Variants in MACROD2 observed in about 807,000 individuals in gnomAD.
MACROD2 encodes the protein ADP-ribose glycohydrolase MACROD2.
In MACROD2, 36 loss-of-function variants were observed where a neutral mutation model predicts 70.4. That is an observed-to-expected ratio of 0.51 (90% CI 0.39 to 0.68). MACROD2 has a LOEUF of 0.68. MACROD2 is among the 30% of genes least tolerant of loss of function. The pLI, the probability that MACROD2 is intolerant of heterozygous loss-of-function variation, is 0.00. For synonymous variants in MACROD2, 172 were observed against 178.8 expected, an observed-to-expected ratio of 0.96 and a Z score of 0.30; for missense variants, 496 against 538.4, an observed-to-expected ratio of 0.92 and a Z score of 0.78.
chr20:15,959,536 T>C (rs1232410849), intron 12 of MACROD2, among the ~76,000 whole-genome samples: 1 of 152,202 alleles, frequency 6.6e-6, no homozygotes, highest in East Asian at 1.9e-4. Context: ...TTTGTTTGTT[T>C]GTTTGTTTTT....
chr20:15,187,619 C>T (rs2076542581), intron 5 of MACROD2, among the ~76,000 whole-genome samples: 1 of 152,092 alleles, frequency 6.6e-6, no homozygotes, highest in South Asian at 2.1e-4. Context: ...CCATATTTTC[C>T]TTCAGTGCCT....
intron 3 of MACROD2, among the ~76,000 whole-genome samples, chr20:14,321,818 T>A (rs2082663330): frequency 6.6e-6 from 1 of 152,132 alleles, no homozygotes; most frequent in South Asian, 2.1e-4. Context: ...TAAATCGGCC[T>A]TCCTGTAAGA....
In MACROD2 at chr20:15,054,833, G is replaced by T. The variant is rs1024744735; in HGVS notation, c.419-175107G>T. Among the ~76,000 whole-genome samples, 5 of 152,166 alleles carry T rather than the reference G, an allele frequency of 3.3e-5. No individual in the cohort carries two copies. In the East Asian group the frequency reaches 9.7e-4, roughly 29 times the overall value. Reference sequence around the variant, plus strand: ...GAGTCTCACTCTGTCACCCAGGCTGGAGTGCAATGGCATGATCTCCGCTCA... The same window carrying T: ...GAGTCTCACTCTGTCACCCAGGCTGTAGTGCAATGGCATGATCTCCGCTCA... On this transcript the variant is annotated intron_variant, in intron 5 of 17. Transcript: ENST00000684519.
rs756305130 is a variant in MACROD2 at position 14,002,378 on chromosome 20, A to C, written c.137A>C (p.Glu46Ala). 6.2e-7 allele frequency: 1 copy of C among 1,604,632 alleles called. No individual in the cohort carries two copies. The highest frequency in any genetic ancestry group is 1.1e-5 in the South Asian group (1 of 89,020). The change falls in exon 2 of 18, where the codon GAG becomes GCG. Residue 46 changes from glutamate (E) to alanine (A), a missense_variant. Physicochemically the swap from Glu to Ala is moderately radical, Grantham distance 107 (BLOSUM62 -1). Transcript: ENST00000684519. Reference protein sequence around the residue: ...PLNSILSWKEEMKGKGQNDEE... With the variant: ...PLNSILSWKEAMKGKGQNDEE... ...AACAGCATTCTATCATGGAAGGAGG[A>C]GATGAAGGGCAAGGGCCAAAATGAT...
intron 5 of MACROD2, among the ~76,000 whole-genome samples, chr20:14,919,589 A>G (rs2074136405): frequency 6.6e-6 from 1 of 152,222 alleles, no homozygotes; most frequent in Non-Finnish European, 1.5e-5. Flanking sequence ...CTTTGGAACC[A>G]TGAGTGCCTC....
At chr20:15,782,895 C>T (rs935085965) in intron 8 of MACROD2, among the ~76,000 whole-genome samples, 1 of 151,934 alleles carries the variant, frequency 6.6e-6, no homozygotes, top group Non-Finnish European at 1.5e-5. Flanking sequence ...TCTTTCCTAT[C>T]TTGTACTAAA....
intron 5 of MACROD2, among the ~76,000 whole-genome samples, chr20:15,191,275 G>GT (rs1307582578): frequency 6.6e-6 from 1 of 152,178 alleles, no homozygotes; most frequent in East Asian, 1.9e-4. Flanking sequence ...AGGGTTGTCT[G>GT]CAGGGACATT....
At chr20:15,034,007 T>TC (rs1305748869) in intron 5 of MACROD2, among the ~76,000 whole-genome samples, 2 of 152,056 alleles carry the variant, frequency 1.3e-5, no homozygotes, top group Non-Finnish European at 2.9e-5. Context: ...GACTCATGTT[T>TC]CCCCCGTTTG....
intron 5 of MACROD2, among the ~76,000 whole-genome samples, chr20:15,125,125 A>C (rs1305623279): frequency 6.6e-6 from 1 of 152,064 alleles, no homozygotes; most frequent in Non-Finnish European, 1.5e-5. Context: ...GAAAGTTTTA[A>C]AATTAAATAG....
chr20:14,426,645 T>C (rs948627638), intron 3 of MACROD2, among the ~76,000 whole-genome samples: 2 of 152,120 alleles, frequency 1.3e-5, no homozygotes, highest in Non-Finnish European at 2.9e-5. Context: ...GCTATTTAGT[T>C]AGGTAAACTT....
intron 3 of MACROD2, among the ~76,000 whole-genome samples, chr20:14,445,272 T>C (rs2084171105): frequency 6.6e-6 from 1 of 152,030 alleles, no homozygotes; most frequent in Non-Finnish European, 1.5e-5. Context: ...CCTGCATATC[T>C]CCAGCATCTA....
At chr20:14,845,192 A>G (rs1046423385) in intron 5 of MACROD2, among the ~76,000 whole-genome samples, 1 of 152,244 alleles carries the variant, frequency 6.6e-6, no homozygotes, top group South Asian at 2.1e-4. Flanking sequence ...AAAATTACAT[A>G]ATATCTAACC....
chr20:15,677,692 C>A (rs200009090), intron 8 of MACROD2, among the ~76,000 whole-genome samples: 2 of 16,976 alleles, frequency 1.2e-4, no homozygotes, highest in Admixed American at 8.8e-4. Context: ...ACCAACCAAC[C>A]AACCAACCAA....
chr20:15,027,115 G>A (rs969923799), intron 5 of MACROD2, among the ~76,000 whole-genome samples: 24 of 152,174 alleles, frequency 1.6e-4, no homozygotes, highest in African/African-American at 5.8e-4. Flanking sequence ...TGTGGTGTCA[G>A]TGGGGGTAGG....
At chr20:14,737,456 T>C (rs953835450) in intron 5 of MACROD2, among the ~76,000 whole-genome samples, 1 of 152,168 alleles carries the variant, frequency 6.6e-6, no homozygotes, top group African/African-American at 2.4e-5. Flanking sequence ...TATAATCCTT[T>C]GGGTATATAC....
intron 5 of MACROD2, among the ~76,000 whole-genome samples, chr20:14,891,815 A>AG (rs1468624033): frequency 6.6e-6 from 1 of 152,202 alleles, no homozygotes; most frequent in Non-Finnish European, 1.5e-5. Flanking sequence ...TAGTGACCAA[A>AG]TGAAATCTGT....
intron 8 of MACROD2, among the ~76,000 whole-genome samples, chr20:15,810,694 A>C (rs1278722593): frequency 6.6e-6 from 1 of 152,234 alleles, no homozygotes; most frequent in Non-Finnish European, 1.5e-5. Context: ...CTGTACTACA[A>C]GGCTACAGTA....
intron 12 of MACROD2, among the ~76,000 whole-genome samples, chr20:15,963,385 A>G (rs2066092608): frequency 6.6e-6 from 1 of 152,132 alleles, no homozygotes; most frequent in Admixed American, 6.6e-5. Flanking sequence ...TTTTTAGACC[A>G]CCTAGCTTGA....
chr20:14,446,034 G>C (rs1479919676), intron 3 of MACROD2, among the ~76,000 whole-genome samples: 2 of 151,950 alleles, frequency 1.3e-5, no homozygotes, highest in Non-Finnish European at 2.9e-5. Context: ...CCAGAATTTG[G>C]TCATACCTGA....
Sources: gnomAD v4.1 joint callset for allele counts (sites outside exome capture counted in the v4.1 genomes callset) on GRCh38, gnomAD v4.1.1 for gene constraint, MANE v1.5 for transcripts, NCBI Gene and HGNC (gene_info 2026-07-23, HGNC 2026-07-21) for gene names.